LHFPL5: variants seen among roughly 807,000 people sequenced by gnomAD.
LHFPL5 encodes LHFPL tetraspan subfamily member 5 protein.
LHFPL5 carries 12 observed loss-of-function variants against 18.7 expected under a neutral mutation model. The ratio of observed to expected loss-of-function variants is 0.64; its 90% confidence interval spans 0.41 to 1.04. The LOEUF is 1.04. Among genes scored for constraint, LHFPL5 ranks in the 50% least tolerant of loss-of-function variants. The pLI is 0.00. For missense variants in LHFPL5, 259 were observed against 292.1 expected (o/e 0.89, Z 0.83); for synonymous variants, 111 against 120.2 (o/e 0.92, Z 0.50).
At chr6:35,816,040 G>A (rs769234228) in intron 2 of LHFPL5, among the ~76,000 whole-genome samples, 5 of 151,782 alleles carry the variant, frequency 3.3e-5, no homozygotes, top group African/African-American at 4.8e-5. Context: ...GTGCGGTGGC[G>A]GGCGCCTGTA....
At chr6:35,817,140 T>C (rs988145488) in intron 2 of LHFPL5, among the ~76,000 whole-genome samples, 31 of 152,082 alleles carry the variant, frequency 2.0e-4, no homozygotes, top group African/African-American at 7.0e-4. Flanking sequence ...GCTAACATAG[T>C]GAAACCCTGT....
rs114892467 is a variant in LHFPL5, at chr6:35,813,622, G to A, written c.413-924G>A. ...GTAAGAGTGAGGAGGAAACCTGTTTGCTTGAATGGAAGGCTTTTGAAGGAA... is the reference window on the plus strand; with the variant it reads ...GTAAGAGTGAGGAGGAAACCTGTTTACTTGAATGGAAGGCTTTTGAAGGAA... On this transcript the variant is annotated intron_variant, in intron 1 of 3. Transcript: ENST00000360215. 6.6e-3 allele frequency among the ~76,000 whole-genome samples: 997 copies of A among 152,146 alleles called. 12 individuals are homozygous for A. The highest frequency in any genetic ancestry group is 0.023 in the African/African-American group (966 of 41,502).
intron 1 of LHFPL5, among the ~76,000 whole-genome samples, chr6:35,808,963 A>AGG (rs1768621101): frequency 6.6e-6 from 1 of 152,126 alleles, no homozygotes; most frequent in South Asian, 2.1e-4. Flanking sequence ...GTGCTGCGGA[A>AGG]GGGGAAATGA....
At chr6:35,817,521 C>T (rs1768787113) in intron 2 of LHFPL5, among the ~76,000 whole-genome samples, 1 of 152,098 alleles carries the variant, frequency 6.6e-6, no homozygotes, top group Admixed American at 6.6e-5. Context: ...AAAAGACAGA[C>T]TACCCAATGC....
intron 3 of LHFPL5, among the ~76,000 whole-genome samples, chr6:35,820,485 G>A (rs1360551952): frequency 6.6e-6 from 1 of 152,122 alleles, no homozygotes; most frequent in Non-Finnish European, 1.5e-5. Context: ...CGGATCACGA[G>A]GTCAGGAGAT....
intron 1 of LHFPL5, among the ~76,000 whole-genome samples, chr6:35,813,239 ATTTTTTTT>A (rs35884324): frequency 5.3e-5 from 3 of 56,324 alleles, no homozygotes; most frequent in African/African-American, 2.0e-4. Context: ...AGGAACTAGC[ATTTTTTTT>A]TTTTTTTTTT....
At position 35,823,849 on chromosome 6, in the gene LHFPL5, A is replaced by C. The variant is rs1430245925; in HGVS notation, c.*884A>C. 1 of 145,464 alleles carries C rather than the reference A, an allele frequency of 6.9e-6. No homozygotes were observed. Among genetic ancestry groups the C allele is most frequent in the Non-Finnish European group, 1.5e-5 (1 of 65,952 alleles). 9.0% of individuals were successfully genotyped at this position (145,464 alleles called of 1,614,324 possible). A position where few individuals can be genotyped will look rare whatever the true frequency, so the allele number is the denominator to read the frequency against. The stretch of plus-strand genomic sequence containing the variant: ...TATGTTCAAGTAATTTGTTATAGGA[A>C]TAGATGACATTTTTTTTTTTCAAAA... On this transcript the variant is annotated 3_prime_UTR_variant, in exon 4 of 4. Coordinates refer to ENST00000360215, the MANE Select transcript of LHFPL5 (RefSeq NM_182548.4).
At chr6:35,813,498 C>T (rs181927057) in intron 1 of LHFPL5, among the ~76,000 whole-genome samples, 14 of 152,198 alleles carry the variant, frequency 9.2e-5, no homozygotes, top group Admixed American at 2.6e-4. Flanking sequence ...CCACCTCGAC[C>T]TCCCAAAGTC....
chr6:35,814,509 C>G lies in LHFPL5; in HGVS notation c.413-37C>G, dbSNP rs781531174. ...TGGGAGGTAGCGGGCTAGGCACACT[C>G]GGCCTGATGCCATGTGCACCCCTCC... On this transcript the variant is annotated intron_variant, in intron 1 of 3. Transcript: ENST00000360215. The surrounding 1 kb of genome is among the most constrained non-coding windows in gnomAD (Gnocchi z 4.2). 1.3e-6 allele frequency: 2 copies of G among 1,504,866 alleles called. No individual in the cohort carries two copies. Among genetic ancestry groups the G allele is most frequent in the Non-Finnish European group, 1.9e-6 (2 of 1,080,348 alleles). The allele number at this position is 1,504,866 out of a possible 1,614,324, so 93.2% of individuals were successfully genotyped here.
chr6:35,806,939 A>C (rs1450368219), intron 1 of LHFPL5, among the ~76,000 whole-genome samples: 11 of 152,212 alleles, frequency 7.2e-5, no homozygotes, highest in Non-Finnish European at 1.5e-5. Context: ...ATCCTCTCAC[A>C]TCAGCCTCCC....
Position 35,819,516 on chromosome 6 carries a change from C to T in LHFPL5, c.*16+53C>T, listed in dbSNP as rs1768825872. ...GCGTGCCCTTAGAAAGGCTGGGGCT[C>T]TCTGCTTCCTTACTGAATCCTCAGG... On this transcript the variant is annotated intron_variant, in intron 3 of 3. Coordinates refer to ENST00000360215, the MANE Select transcript of LHFPL5 (RefSeq NM_182548.4). The T allele has an allele frequency of 1.2e-5, 18 of 1,519,752 alleles. 1 individual carries two copies. The highest frequency in any genetic ancestry group is 1.7e-5 in the Admixed American group (1 of 57,716). 94.1% of individuals were successfully genotyped at this position (1,519,752 alleles called of 1,614,324 possible).
At chr6:35,812,278 G>C (rs1768677776) in intron 1 of LHFPL5, among the ~76,000 whole-genome samples, 1 of 152,306 alleles carries the variant, frequency 6.6e-6, no homozygotes, top group East Asian at 1.9e-4. Flanking sequence ...GAACAAGCTG[G>C]AAGCAGGGAA....
chr6:35,821,568 G>A (rs1304243660), intron 3 of LHFPL5, among the ~76,000 whole-genome samples: 1 of 150,220 alleles, frequency 6.7e-6, no homozygotes, highest in Admixed American at 6.7e-5. Flanking sequence ...GGCAACCTCC[G>A]CCTCCTGGGT....
At chr6:35,818,919 C>T (rs1323524059) in intron 2 of LHFPL5, among the ~76,000 whole-genome samples, 1 of 151,982 alleles carries the variant, frequency 6.6e-6, no homozygotes, top group East Asian at 1.9e-4. Context: ...GCAACCTCCG[C>T]CTCTCATTTT....
intron 2 of LHFPL5, 60 bp from the exon 3 acceptor site, chr6:35,819,377 G>A: frequency 3.9e-6 from 6 of 1,544,868 alleles, no homozygotes; most frequent in Non-Finnish European, 5.4e-6. Context: ...GTAGTGTGCA[G>A]GAAATTATCC....
At chr6:35,807,632 C>T (rs1159114684) in intron 1 of LHFPL5, among the ~76,000 whole-genome samples, 2 of 152,176 alleles carry the variant, frequency 1.3e-5, no homozygotes, top group Admixed American at 6.5e-5. Context: ...GACCACCAAA[C>T]ATGCAGATTC....
intron 2 of LHFPL5, among the ~76,000 whole-genome samples, chr6:35,816,355 A>G (rs1768760383): frequency 1.3e-5 from 2 of 150,912 alleles, no homozygotes; most frequent in Non-Finnish European, 3.0e-5. Context: ...CAAAAAAAAA[A>G]AAAAAAGAAA....
intron 3 of LHFPL5, among the ~76,000 whole-genome samples, chr6:35,821,449 TTG>T (rs34049571): frequency 0.25 from 29,985 of 120,058 alleles, 3,232 homozygotes; most frequent in East Asian, 0.41. Context: ...AGCATAATCT[TTG>T]TGTGTGTGTG....
chr6:35,814,413 TGCCTCTCATGC>T lies in LHFPL5; in HGVS notation c.413-132_413-122del, dbSNP rs1768722434. The T allele has an allele frequency of 1.2e-6, 1 of 802,492 alleles. No homozygotes were observed. Among genetic ancestry groups the T allele is most frequent in the Admixed American group, 1.7e-5 (1 of 58,750 alleles). 49.7% of individuals were successfully genotyped at this position (802,492 alleles called of 1,614,324 possible). ...GTTCTGCAAGAAGGATGGTAGAGGC[TGCCTCTCATGC>T]CTCCTGAGGCTGTTAACAGAAGGAG... On this transcript the variant is annotated intron_variant, in intron 1 of 3. Coordinates refer to ENST00000360215, the MANE Select transcript of LHFPL5 (RefSeq NM_182548.4). This position sits in a 1 kb window ranked among gnomAD's most constrained non-coding sequence, Gnocchi z 4.2.
Sources: allele counts gnomAD v4.1 joint callset (sites outside exome capture counted in the v4.1 genomes callset), GRCh38; gene constraint gnomAD v4.1.1; non-coding constraint Gnocchi (gnomAD v3.1); transcripts MANE v1.5; gene names NCBI Gene and HGNC (gene_info 2026-07-23, HGNC 2026-07-21).